KANK4: variants seen among roughly 807,000 people sequenced by gnomAD.
KANK4 encodes the protein KN motif and ankyrin repeat domains 4, also known as KN motif and ankyrin repeat domain-containing protein 4.
KANK4 carries 50 observed loss-of-function variants against 80.8 expected under a neutral mutation model. The observed-to-expected ratio is 0.62, with a 90% CI of 0.49 to 0.78. KANK4 has a LOEUF of 0.78. KANK4 is among the 30% of genes least tolerant of loss of function. KANK4 has a pLI of 0.00. For synonymous variants in KANK4, 465 were observed against 506.9 expected, an observed-to-expected ratio of 0.92 and a Z score of 1.11; for missense variants, 1,196 against 1,240.1, an observed-to-expected ratio of 0.96 and a Z score of 0.53.
intron 2 of KANK4, among the ~76,000 whole-genome samples, chr1:62,281,296 T>C (rs905752302): frequency 1.4e-4 from 22 of 152,236 alleles, no homozygotes; most frequent in African/African-American, 5.3e-4. Context: ...ATGTGAGGAT[T>C]GAGGATCAAA....
intron 1 of KANK4, among the ~76,000 whole-genome samples, chr1:62,286,476 C>T (rs139026115): frequency 3.9e-5 from 6 of 152,348 alleles, no homozygotes; most frequent in South Asian, 4.1e-4. Flanking sequence ...AGAGGAAGAA[C>T]GCTCAAATCC....
intron 1 of KANK4, among the ~76,000 whole-genome samples, chr1:62,297,274 C>T (rs1644374203): frequency 7.2e-6 from 1 of 138,184 alleles, no homozygotes; most frequent in Non-Finnish European, 1.5e-5. Context: ...TAAATACTTA[C>T]ACTGTTATAA....
At chr1:62,300,652 G>A (rs1644404309) in intron 1 of KANK4, among the ~76,000 whole-genome samples, 1 of 152,066 alleles carries the variant, frequency 6.6e-6, no homozygotes, top group Non-Finnish European at 1.5e-5. Context: ...AGCGGATGGC[G>A]GAAGACAGAG....
chr1:62,267,631 C>T (rs538474418), intron 5 of KANK4, among the ~76,000 whole-genome samples: 2 of 152,216 alleles, frequency 1.3e-5, no homozygotes, highest in South Asian at 4.1e-4. Context: ...GAAACCTCGT[C>T]TCTACTAAAA....
rs968859304 is a variant in KANK4 at position 62,266,738 on chromosome 1, C to G, written c.2313G>C (p.Gln771His). ...HLPETGTTTD[Q>H]LLRQSLNTIS... ...CAATGAAAAATTAGAGTACCAAGAG[C>G]TGGTCTGTGGTGGTCCCAGTTTCTG... Residue 771 changes from glutamine to histidine, a missense_variant, in exon 6 of 10, where the codon CAG becomes CAC. Gln to His is a conservative substitution (Grantham distance 24). Transcript: ENST00000371153. 7 of 1,601,592 alleles carry G rather than the reference C, an allele frequency of 4.4e-6. No homozygotes were observed. In the Admixed American group the frequency reaches 1.2e-4, roughly 27 times the overall value.
At chr1:62,258,014 T>C (rs1197112343) in intron 7 of KANK4, among the ~76,000 whole-genome samples, 3 of 152,138 alleles carry the variant, frequency 2.0e-5, no homozygotes, top group Middle Eastern at 3.2e-3. Context: ...ATAATGGATG[T>C]TCCCAAAGTC....
Position 62,273,965 on chromosome 1 carries a change from C to G in KANK4, c.1139G>C (p.Arg380Thr). 6.2e-7 allele frequency: 1 copy of G among 1,614,214 alleles called. No homozygotes were observed. The highest frequency in any genetic ancestry group is 8.5e-7 in the Non-Finnish European group (1 of 1,180,044). ...CTCCAGCTCTCGAATTCTTTGCTCCCTAGCTTTGATTTCCTCTTCCTGCTG... is the reference window on the plus strand; with the variant it reads ...CTCCAGCTCTCGAATTCTTTGCTCCGTAGCTTTGATTTCCTCTTCCTGCTG... ...LQQQEEEIKAREQRIRELEFT... is the reference protein window; with the variant it reads ...LQQQEEEIKATEQRIRELEFT... Residue 380 changes from arginine (R) to threonine (T), a missense_variant, in exon 3 of 10, where the codon AGG (arginine) becomes ACG (threonine). Arg to Thr is a moderately conservative substitution (Grantham distance 71). Around this residue, in one of 3 missense-constraint regions of KANK4, gnomAD observed 1,154 missense variants for 1,179.6 expected, o/e 0.98. Coordinates refer to ENST00000371153, the MANE Select transcript of KANK4 (RefSeq NM_181712.5).
intron 9 of KANK4, among the ~76,000 whole-genome samples, chr1:62,238,824 GT>G (rs948863715): frequency 2.0e-5 from 3 of 151,964 alleles, no homozygotes; most frequent in Non-Finnish European, 1.5e-5. Flanking sequence ...GAGACGGGGT[GT>G]CACCATGTTG....
intron 1 of KANK4, among the ~76,000 whole-genome samples, chr1:62,306,070 A>C (rs956774793): frequency 6.6e-6 from 1 of 152,036 alleles, no homozygotes; most frequent in African/African-American, 2.4e-5. Context: ...CTGTGGCCTC[A>C]AACTCCTGGC....
chr1:62,238,121 A>G lies in KANK4; in HGVS notation c.*156T>C. The G allele has an allele frequency of 1.8e-6, 1 of 568,850 alleles. No individual in the cohort carries two copies. Among genetic ancestry groups the G allele is most frequent in the Non-Finnish European group, 3.2e-6 (1 of 315,108 alleles). The allele number at this position is 568,850 out of a possible 1,614,324, so 35.2% of individuals were successfully genotyped here. ...GCAAAAACTACAAAGCATCCTAATG[A>G]GCAGAATTATACAACAGGAATGTAT... On this transcript the variant is annotated 3_prime_UTR_variant, in exon 10 of 10. Transcript: ENST00000371153.
At chr1:62,314,507 A>G (rs561413787) in intron 1 of KANK4, among the ~76,000 whole-genome samples, 1 of 152,010 alleles carries the variant, frequency 6.6e-6, no homozygotes, top group African/African-American at 2.4e-5. Flanking sequence ...CTGGGCAGAA[A>G]CCAGGATGTG....
chr1:62,314,535 A>T (rs897776829), intron 1 of KANK4, among the ~76,000 whole-genome samples: 2 of 151,870 alleles, frequency 1.3e-5, no homozygotes, highest in African/African-American at 4.8e-5. Context: ...ATCGGCACCG[A>T]AGGCTGCTCT....
rs1401135763 is a variant in KANK4, at chr1:62,248,545, TTG to T, written c.2683-875_2683-874del. 3.6e-3 allele frequency among the ~76,000 whole-genome samples: 317 copies of T among 88,326 alleles called. 5 individuals are homozygous for T. The highest frequency in any genetic ancestry group is 0.013 in the African/African-American group (312 of 23,536). The allele number at this position is 88,326 out of a possible 152,430, so 57.9% of individuals were successfully genotyped here. A position where few individuals can be genotyped will look rare whatever the true frequency, so the allele number is the denominator to read the frequency against. ...CACTCAATATACCTGGTTAGTTTTT[TTG>T]TTTTTTTTTTTTTGTGAGACAAAGT... On this transcript the variant is annotated intron_variant, in intron 8 of 9. Coordinates refer to ENST00000371153, the MANE Select transcript of KANK4 (RefSeq NM_181712.5).
chr1:62,286,459 T>C (rs1167342004), intron 1 of KANK4, among the ~76,000 whole-genome samples: 2 of 152,236 alleles, frequency 1.3e-5, no homozygotes, highest in Admixed American at 6.5e-5. Flanking sequence ...GACTGGATCT[T>C]GCAGAAAGAG....
rs558455021 is a variant in KANK4 at position 62,237,386 on chromosome 1, T to A, written c.*891A>T. On this transcript the variant is annotated 3_prime_UTR_variant, in exon 10 of 10. Coordinates refer to ENST00000371153, the MANE Select transcript of KANK4 (RefSeq NM_181712.5). ...AGCACCGGGAATTACCATGAGGTAA[T>A]GGATACGGCTATGCAGGTGGCTTCT... 2.6e-5 allele frequency: 4 copies of A among 152,268 alleles called. No individual in the cohort carries two copies. The Middle Eastern group carries it at 0.014, about 518-fold the overall frequency. The allele number at this position is 152,268 out of a possible 1,614,324, so 9.4% of individuals were successfully genotyped here. A position where few individuals can be genotyped will look rare whatever the true frequency, so the allele number is the denominator to read the frequency against.
intron 7 of KANK4, among the ~76,000 whole-genome samples, chr1:62,256,488 C>T (rs1182359240): frequency 2.0e-5 from 3 of 151,876 alleles, no homozygotes; most frequent in Non-Finnish European, 4.4e-5. Context: ...CAGGTTTAAG[C>T]AATTTTCCTG....
At chr1:62,311,254 G>C (rs1353765948) in intron 1 of KANK4, among the ~76,000 whole-genome samples, 1 of 146,338 alleles carries the variant, frequency 6.8e-6, no homozygotes, top group Non-Finnish European at 1.5e-5. Context: ...GGGTACCCTA[G>C]AGCAAGTGTT....
In KANK4 at chr1:62,274,095, C is replaced by T. The variant is rs200017469; in HGVS notation, c.1009G>A (p.Val337Met). 6 of 1,614,190 alleles carry T rather than the reference C, an allele frequency of 3.7e-6. No homozygotes were observed. The African/African-American group carries it at 5.3e-5, about 14-fold the overall frequency. The change falls in exon 3 of 10, where the codon GTG becomes ATG. Residue 337 changes from valine (V) to methionine (M), a missense_variant. This residue lies in a region of KANK4 where 1,154 missense variants were observed against 1,179.6 expected (regional missense o/e 0.98). Transcript: ENST00000371153. Reference sequence around the variant, plus strand: ...AGGCTGGAGATGCTGCCTGGATCCACCCTGGCAAGGCCCAGGCTTTCCTCA... The same window carrying T: ...AGGCTGGAGATGCTGCCTGGATCCATCCTGGCAAGGCCCAGGCTTTCCTCA... ...VTEESLGLAR[V>M]DPGSISSLKQ... is the part of the protein sequence containing the mutation.
At chr1:62,250,113 A>G (rs2457811) in intron 8 of KANK4, among the ~76,000 whole-genome samples, 114,212 of 151,994 alleles carry the variant, frequency 0.75, 43,038 homozygotes, top group East Asian at 0.83. Context: ...TCAGCCTCCC[A>G]AGTAGCTGGG....
Sources: gnomAD v4.1 joint callset for allele counts (sites outside exome capture counted in the v4.1 genomes callset) on GRCh38, gnomAD v4.1.1 for gene constraint, gnomAD v4.1.1 regional missense constraint, MANE v1.5 for transcripts, NCBI Gene and HGNC (gene_info 2026-07-23, HGNC 2026-07-21) for gene names.